AMOTL1: variants seen among roughly 807,000 people sequenced by gnomAD.
AMOTL1 encodes the protein angiomotin-like protein 1.
Under a neutral mutation model 102.9 loss-of-function variants are expected in AMOTL1, and 45 were observed. The observed-to-expected ratio is 0.44, with a 90% confidence interval of 0.34 to 0.56. The LOEUF is 0.56. AMOTL1 is among the 20% of genes least tolerant of loss of function. AMOTL1 has a pLI of 0.01. For synonymous variants in AMOTL1, 481 were observed against 484.7 expected, an observed-to-expected ratio of 0.99 and a Z score of 0.10; for missense variants, 1,114 against 1,225.6, an observed-to-expected ratio of 0.91 and a Z score of 1.36.
chr11:94,831,060 A>G (rs968396822), intron 5 of AMOTL1, among the ~76,000 whole-genome samples: 2 of 152,214 alleles, frequency 1.3e-5, no homozygotes, highest in East Asian at 3.8e-4. Context: ...TCTGAGATAC[A>G]AAAAGCTGTC....
chr11:94,707,729 G>A (rs1450657439), intron 1 of AMOTL1, among the ~76,000 whole-genome samples: 1 of 152,104 alleles, frequency 6.6e-6, no homozygotes, highest in Admixed American at 6.5e-5. Context: ...CCCTAGGTCT[G>A]TGAAAAGTTC....
chr11:94,856,574 C>T (rs1952670878), intron 8 of AMOTL1, among the ~76,000 whole-genome samples: 1 of 152,170 alleles, frequency 6.6e-6, no homozygotes, highest in African/African-American at 2.4e-5. Flanking sequence ...TGATCCCCTC[C>T]TCCTCATTCA....
At position 94,874,543 on chromosome 11, in the gene AMOTL1, T is replaced by G. The variant is rs1481769490; in HGVS notation, c.*3748T>G. On this transcript the variant is annotated 3_prime_UTR_variant, in exon 13 of 13. Coordinates refer to ENST00000433060, the MANE Select transcript of AMOTL1 (RefSeq NM_130847.3). The stretch of plus-strand genomic sequence containing the variant: ...CAAAACAGTTGCAACAAATTAGTTC[T>G]GAACCTGGAACAGAGAATTCAGTGC... 1 of 152,250 alleles carries G rather than the reference T, an allele frequency of 6.6e-6. No homozygotes were observed. The highest frequency in any genetic ancestry group is 1.5e-5 in the Non-Finnish European group (1 of 68,056). 9.4% of individuals were successfully genotyped at this position (152,250 alleles called of 1,614,324 possible).
In AMOTL1 at chr11:94,876,040, C is replaced by T. The variant is rs1274721668; in HGVS notation, c.*5245C>T. 6.5e-6 allele frequency: 1 copy of T among 152,744 alleles called. No individual in the cohort carries two copies. The highest frequency in any genetic ancestry group is 1.9e-4 in the East Asian group (1 of 5,188). 9.5% of individuals were successfully genotyped at this position (152,744 alleles called of 1,614,324 possible). A position where few individuals can be genotyped will look rare whatever the true frequency, so the allele number is the denominator to read the frequency against. On this transcript the variant is annotated 3_prime_UTR_variant, in exon 13 of 13. Coordinates refer to ENST00000433060, the MANE Select transcript of AMOTL1 (RefSeq NM_130847.3). ...CTTCACAGAATTAGAATACTGCTCT[C>T]TCTATATTGAACTACATATACAGCG...
intron 1 of AMOTL1, among the ~76,000 whole-genome samples, chr11:94,789,781 T>A (rs1222123715): frequency 1.3e-5 from 2 of 152,248 alleles, no homozygotes; most frequent in Non-Finnish European, 2.9e-5. Context: ...GCAAATTCCT[T>A]AGCTCTTTGA....
Position 94,776,056 on chromosome 11 carries a change from C to T in AMOTL1, c.49+7496C>T, listed in dbSNP as rs182775826. ...TAGAAATGCTTGGGTGGAATTAGCACGGAAAGGTCCTCCTGAAGAGGACCA... is the reference window on the plus strand; with the variant it reads ...TAGAAATGCTTGGGTGGAATTAGCATGGAAAGGTCCTCCTGAAGAGGACCA... On this transcript the variant is annotated intron_variant, in intron 1 of 12. Coordinates refer to ENST00000433060, the MANE Select transcript of AMOTL1 (RefSeq NM_130847.3). Among the ~76,000 whole-genome samples the T allele has an allele frequency of 4.6e-5, 7 of 152,302 alleles. No individual in the cohort carries two copies. The East Asian group carries it at 9.7e-4, about 21-fold the overall frequency.
At chr11:94,786,989 T>C (rs1479380467) in intron 1 of AMOTL1, among the ~76,000 whole-genome samples, 1 of 151,942 alleles carries the variant, frequency 6.6e-6, no homozygotes, top group Non-Finnish European at 1.5e-5. Context: ...TGCTAGTAAC[T>C]GGAGATACAA....
intron 1 of AMOTL1, among the ~76,000 whole-genome samples, chr11:94,712,792 C>T (rs1006843414): frequency 1.1e-4 from 17 of 151,784 alleles, no homozygotes; most frequent in African/African-American, 4.1e-4. Context: ...ATTTTTTATT[C>T]TATCCTCTTG....
chr11:94,708,779 C>T (rs1256404039), intron 1 of AMOTL1, among the ~76,000 whole-genome samples: 2 of 152,078 alleles, frequency 1.3e-5, no homozygotes, highest in African/African-American at 4.8e-5. Context: ...GGAAATAAAG[C>T]CAACCTAAAC....
At chr11:94,861,375 C>G (rs1184877626) in intron 9 of AMOTL1, among the ~76,000 whole-genome samples, 2 of 152,142 alleles carry the variant, frequency 1.3e-5, no homozygotes, top group African/African-American at 2.4e-5. Flanking sequence ...TAAATTTCCT[C>G]TCTATTCCGA....
upstream of AMOTL1, among the ~76,000 whole-genome samples, chr11:94,765,919 T>C (rs1043059280): frequency 2.0e-5 from 3 of 152,216 alleles, no homozygotes; most frequent in African/African-American, 7.2e-5. Flanking sequence ...TTGTTTCCTC[T>C]TGCCCAGAGG....
At chr11:94,797,469 C>T (rs995628566) in intron 2 of AMOTL1, among the ~76,000 whole-genome samples, 34 of 152,240 alleles carry the variant, frequency 2.2e-4, no homozygotes, top group Admixed American at 5.2e-4. Flanking sequence ...GACCCAGATG[C>T]GAAGACATGA....
intron 8 of AMOTL1, among the ~76,000 whole-genome samples, chr11:94,856,149 A>T (rs917489532): frequency 7.2e-5 from 11 of 152,250 alleles, no homozygotes; most frequent in African/African-American, 2.4e-4. Flanking sequence ...GTTGCTCTTG[A>T]TACTCATTAA....
At chr11:94,824,243 G>A (rs1178398699) in intron 4 of AMOTL1, among the ~76,000 whole-genome samples, 1 of 152,140 alleles carries the variant, frequency 6.6e-6, no homozygotes, top group Admixed American at 6.5e-5. Flanking sequence ...TACAAGTACA[G>A]TAAGTCCTCA....
At chr11:94,712,251 T>C (rs1052481243) in intron 1 of AMOTL1, among the ~76,000 whole-genome samples, 13 of 152,056 alleles carry the variant, frequency 8.5e-5, no homozygotes, top group African/African-American at 2.7e-4. Flanking sequence ...GTAAAATGTC[T>C]ATTTATGCCT....
chr11:94,776,194 C>T (rs1029312702), intron 1 of AMOTL1, among the ~76,000 whole-genome samples: 1 of 152,226 alleles, frequency 6.6e-6, no homozygotes, highest in Non-Finnish European at 1.5e-5. Context: ...TTTGCACATG[C>T]TCAGATACCA....
At chr11:94,720,455 G>A (rs773625782) in intron 1 of AMOTL1, among the ~76,000 whole-genome samples, 3 of 152,182 alleles carry the variant, frequency 2.0e-5, no homozygotes, top group East Asian at 1.9e-4. Flanking sequence ...TCTTTCAAAC[G>A]TCTTTCATCT....
intron 9 of AMOTL1, among the ~76,000 whole-genome samples, chr11:94,861,458 T>C (rs1952773197): frequency 6.6e-6 from 1 of 152,232 alleles, no homozygotes; most frequent in Non-Finnish European, 1.5e-5. Flanking sequence ...AGTGCACTGC[T>C]GTCCACGGTT....
intron 3 of AMOTL1, among the ~76,000 whole-genome samples, chr11:94,747,382 A>G (rs1284150347): frequency 1.3e-5 from 2 of 152,120 alleles, no homozygotes; most frequent in African/African-American, 2.4e-5. Flanking sequence ...TGTCATGAGA[A>G]TAGCATTCTT....
Sources: gnomAD v4.1 joint callset for allele counts (sites outside exome capture counted in the v4.1 genomes callset) on GRCh38, gnomAD v4.1.1 for gene constraint, MANE v1.5 for transcripts, NCBI Gene and HGNC (gene_info 2026-07-23, HGNC 2026-07-21) for gene names.